The following LRRK2 variants were observed in gnomAD, a reference collection of about 807,000 sequenced individuals.
LRRK2 encodes leucine rich repeat kinase 2.
Under a neutral mutation model 302.6 loss-of-function variants are expected in LRRK2, and 203 were observed. That is an observed-to-expected ratio of 0.67 (90% CI 0.60 to 0.75). The LOEUF is 0.75. Among genes scored for constraint, LRRK2 ranks in the 30% least tolerant of loss-of-function variants. LRRK2 has a pLI of 0.00. For synonymous variants in LRRK2, 1,066 were observed against 1,031.9 expected (o/e 1.03, Z -0.63); for missense variants, 2,830 against 2,951.0 (o/e 0.96, Z 0.95).
intron 38 of LRRK2, 107 bp from the exon 39 acceptor site, chr12:40,328,253 G>GT (rs1945609661): frequency 8.5e-6 from 7 of 820,012 alleles, no homozygotes; most frequent in Non-Finnish European, 1.4e-5. Context: ...AAGTAGGTCA[G>GT]GTTTCTATTC....
rs1173002819 is a variant in LRRK2, at chr12:40,235,691, C to T, written c.413C>T (p.Thr138Ile). 1.9e-6 allele frequency: 3 copies of T among 1,600,156 alleles called. No homozygotes were observed. Among genetic ancestry groups the T allele is most frequent in the South Asian group, 1.1e-5 (1 of 90,806 alleles). Residue 138 changes from threonine (T) to isoleucine (I), a missense_variant, in exon 4 of 51, where the codon ACC (threonine) becomes ATC (isoleucine). Coordinates refer to ENST00000298910, the MANE Select transcript of LRRK2 (RefSeq NM_198578.4). Reference protein sequence around the residue: ...SVNLSVIGLKTLDLLLTSGKI... With the variant: ...SVNLSVIGLKILDLLLTSGKI... Reference sequence around the variant, plus strand: ...AACTTGTCAGTGATTGGACTGAAGACCTTAGATCTCCTCCTAACTTCAGGT... The same window carrying T: ...AACTTGTCAGTGATTGGACTGAAGATCTTAGATCTCCTCCTAACTTCAGGT...
chr12:40,235,055 GTTTATA>G (rs948900787), intron 3 of LRRK2, among the ~76,000 whole-genome samples: 1 of 151,934 alleles, frequency 6.6e-6, no homozygotes, highest in African/African-American at 2.4e-5. Context: ...ATTAAAAATT[GTTTATA>G]TTTAAGGTAT....
At chr12:40,239,014 A>G (rs1941599954) in intron 5 of LRRK2, among the ~76,000 whole-genome samples, 1 of 152,206 alleles carries the variant, frequency 6.6e-6, no homozygotes. Context: ...GGGGTGGGCC[A>G]GAAATTTGTC....
chr12:40,253,412 G>A (rs547096625), intron 11 of LRRK2, among the ~76,000 whole-genome samples: 3 of 150,940 alleles, frequency 2.0e-5, no homozygotes, highest in Non-Finnish European at 3.0e-5. Flanking sequence ...TTTAGATATG[G>A]TCTCACTCTG....
Position 40,359,242 on chromosome 12 carries a change from CT to C in LRRK2, c.6844-8del, listed in dbSNP as rs72546334. 4.0e-4 allele frequency: 506 copies of C among 1,275,842 alleles called. No individual in the cohort carries two copies. Among genetic ancestry groups the C allele is most frequent in the Admixed American group, 1.5e-3 (79 of 51,694 alleles). The allele number at this position is 1,275,842 out of a possible 1,614,324, so 79.0% of individuals were successfully genotyped here. ...ATACTCAATTTGCTGAGTGTGTTTTCTTTTTTTTTTGGCAAAGCTTAAAGGA... is the reference window on the plus strand; with the variant it reads ...ATACTCAATTTGCTGAGTGTGTTTTCTTTTTTTTTGGCAAAGCTTAAAGGA... On this transcript the variant is annotated splice_polypyrimidine_tract_variant and intron_variant, in intron 46 of 50. Coordinates refer to ENST00000298910, the MANE Select transcript of LRRK2 (RefSeq NM_198578.4).
intron 45 of LRRK2, 145 bp from the exon 46 acceptor site, chr12:40,355,970 A>G (rs1012319060): frequency 6.4e-6 from 4 of 622,172 alleles, no homozygotes; most frequent in Non-Finnish European, 1.1e-5. Context: ...CAAGTCTTCT[A>G]AAGTAAATAC....
intron 6 of LRRK2, 44 bp from the exon 7 acceptor site, chr12:40,243,506 G>T: frequency 6.2e-7 from 1 of 1,603,850 alleles, no homozygotes; most frequent in South Asian, 1.1e-5. Flanking sequence ...TTTGAAAGGA[G>T]AACATGGTTA....
At chr12:40,263,434 C>A (rs1347475188) in intron 13 of LRRK2, among the ~76,000 whole-genome samples, 1 of 152,098 alleles carries the variant, frequency 6.6e-6, no homozygotes, top group Non-Finnish European at 1.5e-5. Context: ...TAACTCTGAG[C>A]TTTTCTCATG....
intron 10 of LRRK2, among the ~76,000 whole-genome samples, chr12:40,252,141 G>A (rs982650912): frequency 3.3e-5 from 5 of 152,160 alleles, no homozygotes; most frequent in African/African-American, 7.2e-5. Flanking sequence ...TTTCATATCC[G>A]TGAGCCTTTG....
rs1268237239 is a variant in LRRK2 at position 40,258,036 on chromosome 12, CACTAATTTGAGCCA to C, written c.1418+663_1418+676del. On this transcript the variant is annotated intron_variant, in intron 12 of 50. Transcript: ENST00000298910. ...AAACTAATTTTGTTCCTGGTTTTGC[CACTAATTTGAGCCA>C]ACTGTTTCATCTCTAAAACTTCACG... is the stretch of plus-strand genomic sequence containing the variant. Among the ~76,000 whole-genome samples the C allele has an allele frequency of 1.4e-4, 21 of 152,172 alleles. 1 individual carries two copies. The highest frequency in any genetic ancestry group is 1.3e-3 in the Admixed American group (20 of 15,272).
rs1339552500 is a variant in LRRK2, at chr12:40,295,356, C to T, written c.2879-71C>T. The T allele has an allele frequency of 2.1e-6, 3 of 1,404,088 alleles. No individual in the cohort carries two copies. The African/African-American group carries it at 4.2e-5, about 20-fold the overall frequency. 87.0% of individuals were successfully genotyped at this position (1,404,088 alleles called of 1,614,324 possible). ...GAAAGCCTGATTGCTAGGAGGTGCT[C>T]ACTAAACTTTTACTACATGAATTTA... On this transcript the variant is annotated intron_variant, in intron 22 of 50. Coordinates refer to ENST00000298910, the MANE Select transcript of LRRK2 (RefSeq NM_198578.4).
Position 40,278,207 on chromosome 12 carries a change from T to G in LRRK2, c.2187T>G (p.Leu729=), listed in dbSNP as rs778722852. 6.2e-6 allele frequency: 10 copies of G among 1,614,000 alleles called. No individual in the cohort carries two copies. Among genetic ancestry groups the G allele is most frequent in the African/African-American group, 1.3e-5 (1 of 74,942 alleles). The part of the protein sequence containing the change: ...QNNSIMVECL[L]LLGADANQAK... ...ACAGCATCATGGTTGAATGCTTGCT[T>G]CTATTGGGAGCAGATGCCAATCAAG... Residue 729 remains leucine, a synonymous_variant, in exon 18 of 51, where the codon CTT becomes CTG. Coordinates refer to ENST00000298910, the MANE Select transcript of LRRK2 (RefSeq NM_198578.4).
intron 28 of LRRK2, among the ~76,000 whole-genome samples, chr12:40,308,129 A>G (rs2136811558): frequency 6.6e-6 from 1 of 152,304 alleles, no homozygotes; most frequent in Non-Finnish European, 1.5e-5. Flanking sequence ...GAATATGTAT[A>G]CATGTATGTA....
Position 40,363,462 on chromosome 12 carries a change from C to T in LRRK2, c.7089C>T (p.Leu2363=), listed in dbSNP as rs201329694. 1.9e-5 allele frequency: 31 copies of T among 1,611,986 alleles called. No homozygotes were observed. The African/African-American group carries it at 2.0e-4, about 10-fold the overall frequency. The change falls in exon 48 of 51, where the codon CTC becomes CTT. Residue 2363 remains leucine (L), a synonymous_variant. Transcript: ENST00000298910. ...NIITVVVDTA[L]YIAKQNSPVV... is the part of the protein sequence containing the mutation. ...TAACAGTGGTGGTAGACACTGCTCT[C>T]TATATTGCTAAGCAAAATAGCCCTG...
In LRRK2 at chr12:40,309,000, G is replaced by T. The variant is rs540683151; in HGVS notation, c.4190-106G>T. 32 of 1,240,682 alleles carry T rather than the reference G, an allele frequency of 2.6e-5. 1 individual carries two copies. The South Asian group carries it at 4.1e-4, about 16-fold the overall frequency. The allele number at this position is 1,240,682 out of a possible 1,614,324, so 76.9% of individuals were successfully genotyped here. On this transcript the variant is annotated intron_variant, in intron 29 of 50. Coordinates refer to ENST00000298910, the MANE Select transcript of LRRK2 (RefSeq NM_198578.4). ...ATGGTCTGTTGTTTTTCTCTTATTA[G>T]TATGCTAAATAATAAATAGTATTAT...
chr12:40,283,960 C>T lies in LRRK2; in HGVS notation c.2327C>T (p.Thr776Met), dbSNP rs769535907. 8 of 1,613,806 alleles carry T rather than the reference C, an allele frequency of 5.0e-6. No homozygotes were observed. Among genetic ancestry groups the T allele is most frequent in the South Asian group, 2.2e-5 (2 of 91,072 alleles). The change falls in exon 19 of 51, where the codon ACG (threonine) becomes ATG (methionine). Residue 776 changes from threonine (T) to methionine (M), a missense_variant. Thr to Met is a moderately conservative substitution (Grantham distance 81). Transcript: ENST00000298910. Reference sequence around the variant, plus strand: ...GAACAAGATGTACGAAAAGCGTTGACGATAAGCATTGGGAAAGGTGACAGC... The same window carrying T: ...GAACAAGATGTACGAAAAGCGTTGATGATAAGCATTGGGAAAGGTGACAGC... ...SREQDVRKAL[T>M]ISIGKGDSQI...
In LRRK2 at chr12:40,235,682, G is replaced by T. The variant is rs1941418084; in HGVS notation, c.404G>T (p.Gly135Val). ...HNASVNLSVI[G>V]LKTLDLLLTS... ...GCCAGTGTAAACTTGTCAGTGATTG[G>T]ACTGAAGACCTTAGATCTCCTCCTA... is the stretch of plus-strand genomic sequence containing the variant. The change falls in exon 4 of 51, where the codon GGA becomes GTA. Residue 135 changes from glycine (G) to valine (V), a missense_variant. Around this residue, in one of 3 missense-constraint regions of LRRK2, gnomAD observed 2,121 missense variants for 2,148.0 expected, o/e 0.99. Transcript: ENST00000298910. 1 of 1,607,704 alleles carries T rather than the reference G, an allele frequency of 6.2e-7. No individual in the cohort carries two copies. Among genetic ancestry groups the T allele is most frequent in the African/African-American group, 1.3e-5 (1 of 74,808 alleles).
chr12:40,281,633 A>G (rs1479126331), intron 18 of LRRK2, among the ~76,000 whole-genome samples: 2 of 152,230 alleles, frequency 1.3e-5, no homozygotes, highest in East Asian at 3.8e-4. Flanking sequence ...GAATATTCTA[A>G]AGAGAATGAC....
intron 44 of LRRK2, among the ~76,000 whole-genome samples, chr12:40,353,880 A>C (rs1369473818): frequency 3.3e-5 from 5 of 152,220 alleles, no homozygotes; most frequent in Non-Finnish European, 7.3e-5. Flanking sequence ...GGCACTCTGC[A>C]GGCTGAGGCA....
Sources: allele counts gnomAD v4.1 joint callset (sites outside exome capture counted in the v4.1 genomes callset), GRCh38; gene constraint gnomAD v4.1.1; regional missense constraint gnomAD v4.1.1; transcripts MANE v1.5; gene names NCBI Gene and HGNC (gene_info 2026-07-23, HGNC 2026-07-21).